Variants in ISG20 observed in about 807,000 individuals in gnomAD.
ISG20 encodes interferon-stimulated gene 20 kDa protein.
In ISG20, 8 loss-of-function variants were observed where a neutral mutation model predicts 11.1. The ratio of observed to expected loss-of-function variants is 0.72; its 90% CI spans 0.42 to 1.30. The LOEUF is 1.30. ISG20 is among the 50% of genes most tolerant of loss of function. The pLI is 0.01. For missense variants in ISG20, 243 were observed against 250.2 expected (o/e 0.97, Z 0.19); for synonymous variants, 110 against 101.7 (o/e 1.08, Z -0.49).
At position 88,639,124 on chromosome 15, in the gene ISG20, C is replaced by A. The variant is rs758296604; in HGVS notation, c.-25+48C>A. ...CAGCTGGGGAGGCAGCGGGAGGGGC[C>A]TTCCCGGTCCCCAGGCTGCGGGGCA... On this transcript the variant is annotated intron_variant, in intron 1 of 3. Transcript: ENST00000306072. This position sits in a 1 kb window ranked among gnomAD's most constrained non-coding sequence, Gnocchi z 4.2. The A allele has an allele frequency of 1.4e-5, 8 of 565,442 alleles. No individual in the cohort carries two copies. The highest frequency in any genetic ancestry group is 7.5e-5 in the African/African-American group (4 of 53,236). The allele number at this position is 565,442 out of a possible 1,614,324, so 35.0% of individuals were successfully genotyped here.
chr15:88,651,787 T>G, intron 2 of ISG20: 1 of 1,111,658 alleles, frequency 9.0e-7, no homozygotes, highest in Non-Finnish European at 1.1e-6. Context: ...GTTGGGAAGA[T>G]TAAACAACAT....
Position 88,650,414 on chromosome 15 carries a change from T to A in ISG20, c.229-1696T>A. On this transcript the variant is annotated intron_variant, in intron 2 of 3. Transcript: ENST00000306072. The surrounding 1 kb of genome is among the most constrained non-coding windows in gnomAD (Gnocchi z 4.0). Reference sequence around the variant, plus strand: ...GTGGTCGTTCACTCTTCTGGCTCAGTGTGGCAGTGGCAGGCGGGCTCTGGA... The same window carrying A: ...GTGGTCGTTCACTCTTCTGGCTCAGAGTGGCAGTGGCAGGCGGGCTCTGGA... The A allele has an allele frequency of 1.3e-6, 2 of 1,507,514 alleles. No individual in the cohort carries two copies. Among genetic ancestry groups the A allele is most frequent in the Non-Finnish European group, 1.8e-6 (2 of 1,131,610 alleles). 93.4% of individuals were successfully genotyped at this position (1,507,514 alleles called of 1,614,324 possible).
At chr15:88,653,933 G>A (rs1165583979) in intron 3 of ISG20, among the ~76,000 whole-genome samples, 2 of 152,226 alleles carry the variant, frequency 1.3e-5, no homozygotes, top group East Asian at 3.8e-4. Flanking sequence ...ATGAAGCCCT[G>A]TGGAGGGTGC....
chr15:88,650,575 C>A lies in ISG20; in HGVS notation c.229-1535C>A. On this transcript the variant is annotated intron_variant, in intron 2 of 3. Coordinates refer to ENST00000306072, the MANE Select transcript of ISG20 (RefSeq NM_002201.6). The surrounding 1 kb of genome is among the most constrained non-coding windows in gnomAD (Gnocchi z 4.0). Reference sequence around the variant, plus strand: ...GTCAATACTTATTTCGCTCGGCCACCTGCAGTTTGGGCAGGTGCTCTGCAG... The same window carrying A: ...GTCAATACTTATTTCGCTCGGCCACATGCAGTTTGGGCAGGTGCTCTGCAG... 1.2e-6 allele frequency: 1 copy of A among 815,746 alleles called. No individual in the cohort carries two copies. Among genetic ancestry groups the A allele is most frequent in the Non-Finnish European group, 1.7e-6 (1 of 581,670 alleles). The allele number at this position is 815,746 out of a possible 1,614,324, so 50.5% of individuals were successfully genotyped here. A position where few individuals can be genotyped will look rare whatever the true frequency, so the allele number is the denominator to read the frequency against.
chr15:88,641,058 T>C (rs2058073056), intron 2 of ISG20, among the ~76,000 whole-genome samples: 1 of 152,096 alleles, frequency 6.6e-6, no homozygotes, highest in African/African-American at 2.4e-5. Context: ...AGTGACATGA[T>C]CTTGGCTCTC....
intron 3 of ISG20, 101 bp from the exon 4 acceptor site, chr15:88,655,314 C>G (rs773869080): frequency 2.8e-6 from 3 of 1,066,168 alleles, no homozygotes; most frequent in Non-Finnish European, 4.3e-6. Flanking sequence ...ACTGACCCAC[C>G]TGGGGACTCT....
At position 88,643,991 on chromosome 15, in the gene ISG20, T is replaced by C. The variant is rs2058125557; in HGVS notation, c.228+4397T>C. On this transcript the variant is annotated intron_variant, in intron 2 of 3. Transcript: ENST00000306072. The surrounding 1 kb of genome is among the most constrained non-coding windows in gnomAD (Gnocchi z 4.4). ...TCTGGAGCATTTGTATTTGGGATGC[T>C]GTACCTGTATCAACAGTACAGTGTG... 6.6e-6 allele frequency among the ~76,000 whole-genome samples: 1 copy of C among 152,230 alleles called. No individual in the cohort carries two copies. The highest frequency in any genetic ancestry group is 6.5e-5 in the Admixed American group (1 of 15,282).
rs995916337 is a variant in ISG20, at chr15:88,655,551, C to T, written c.*20C>T. 16 of 1,593,640 alleles carry T rather than the reference C, an allele frequency of 1.0e-5. No homozygotes were observed. The highest frequency in any genetic ancestry group is 5.4e-5 in the African/African-American group (4 of 74,506). On this transcript the variant is annotated 3_prime_UTR_variant, in exon 4 of 4. Coordinates refer to ENST00000306072, the MANE Select transcript of ISG20 (RefSeq NM_002201.6). ...GACTGAAGCCCCATCCAGCCCGTTCCGCAGGGACTAGAGGCTTTCGGCTTT... is the reference window on the plus strand; with the variant it reads ...GACTGAAGCCCCATCCAGCCCGTTCTGCAGGGACTAGAGGCTTTCGGCTTT...
chr15:88,651,792 C>A, intron 2 of ISG20: 1 of 1,125,188 alleles, frequency 8.9e-7, no homozygotes. Flanking sequence ...GAAGATTAAA[C>A]AACATAATAT....
chr15:88,636,585 G>T (rs538300362), upstream of ISG20, among the ~76,000 whole-genome samples: 1 of 152,340 alleles, frequency 6.6e-6, no homozygotes, highest in Non-Finnish European at 1.5e-5. Context: ...GTCTCCCTAT[G>T]CTGTCCAGGC....
upstream of ISG20, among the ~76,000 whole-genome samples, chr15:88,638,124 G>A (rs916481247): frequency 2.6e-5 from 4 of 152,198 alleles, no homozygotes; most frequent in Non-Finnish European, 5.9e-5. Context: ...CATGACACTG[G>A]GAGGCAGTCA....
rs527240111 is a variant in ISG20 at position 88,640,570 on chromosome 15, A to G, written c.228+976A>G. On this transcript the variant is annotated intron_variant, in intron 2 of 3. Transcript: ENST00000306072. ...CAAGTTACTCAACCTCTTTGTACCC[A>G]GTAAAAGAAAAGAAGGATAATAGTA... 4.6e-5 allele frequency among the ~76,000 whole-genome samples: 7 copies of G among 152,342 alleles called. No individual in the cohort carries two copies. In the Middle Eastern group the frequency reaches 0.017, roughly 370 times the overall value.
chr15:88,656,088 A>G lies in ISG20; in HGVS notation c.*557A>G, dbSNP rs906217004. 1 of 152,360 alleles carries G rather than the reference A, an allele frequency of 6.6e-6. No homozygotes were observed. The highest frequency in any genetic ancestry group is 2.4e-5 in the African/African-American group (1 of 41,440). 9.4% of individuals were successfully genotyped at this position (152,360 alleles called of 1,614,324 possible). A position where few individuals can be genotyped will look rare whatever the true frequency, so the allele number is the denominator to read the frequency against. ...GTGGAGTCAGAGAGAAGTAGGTTGG[A>G]ATCCTCTTTGTCATTTAGTAGCTGT... On this transcript the variant is annotated 3_prime_UTR_variant, in exon 4 of 4. Transcript: ENST00000306072.
chr15:88,639,171 C>T lies in ISG20; in HGVS notation c.-25+95C>T, dbSNP rs150475129. 15 of 597,110 alleles carry T rather than the reference C, an allele frequency of 2.5e-5. No individual in the cohort carries two copies. The highest frequency in any genetic ancestry group is 9.3e-5 in the African/African-American group (5 of 53,842). 37.0% of individuals were successfully genotyped at this position (597,110 alleles called of 1,614,324 possible). ...GGCAGGCCAGAGGCCCTGGGACACA[C>T]GGGCAGGGTAAGGCAGGGGATGGGG... On this transcript the variant is annotated intron_variant, in intron 1 of 3. Transcript: ENST00000306072. This position sits in a 1 kb window ranked among gnomAD's most constrained non-coding sequence, Gnocchi z 4.2.
chr15:88,650,244 C>G lies in ISG20; in HGVS notation c.229-1866C>G. ...TCTGTTCTATTTTCAGGTCCCCTTC[C>G]CATCCTCTCCAACGGCAGCTGAGTG... On this transcript the variant is annotated intron_variant, in intron 2 of 3. Coordinates refer to ENST00000306072, the MANE Select transcript of ISG20 (RefSeq NM_002201.6). This position sits in a 1 kb window ranked among gnomAD's most constrained non-coding sequence, Gnocchi z 4.0. 6.5e-7 allele frequency: 1 copy of G among 1,535,702 alleles called. No individual in the cohort carries two copies. Among genetic ancestry groups the G allele is most frequent in the Non-Finnish European group, 8.7e-7 (1 of 1,146,884 alleles).
chr15:88,652,086 GT>G (rs2058282510), intron 2 of ISG20, 23 bp from the exon 3 acceptor site: 1 of 1,613,742 alleles, frequency 6.2e-7, no homozygotes. Flanking sequence ...TCATGTAGGG[GT>G]GGGCACATGT....
chr15:88,636,866 C>A (rs531056788), upstream of ISG20, among the ~76,000 whole-genome samples: 1 of 152,294 alleles, frequency 6.6e-6, no homozygotes, highest in South Asian at 2.1e-4. Context: ...GGGACAGCTT[C>A]ATGGAAAGAC....
At chr15:88,637,185 G>A (rs1017242920), upstream of ISG20, among the ~76,000 whole-genome samples, 1 of 152,198 alleles carries the variant, frequency 6.6e-6, no homozygotes, top group Non-Finnish European at 1.5e-5. Flanking sequence ...TGGTTTGGCA[G>A]AAGTCACCAT....
Position 88,639,441 on chromosome 15 carries a change from G to A in ISG20, c.75G>A (p.Leu25=). The stretch of plus-strand genomic sequence containing the variant: ...TGGGGCCCCACCGGGAGAGTGGCCT[G>A]GCTCGTTGCAGCCTCGTGAACGTCC... ...VGLGPHRESG[L]ARCSLVNVHG... Residue 25 remains leucine (L), a synonymous_variant, in exon 2 of 4, where the codon CTG becomes CTA. Transcript: ENST00000306072. The surrounding 1 kb of genome is among the most constrained non-coding windows in gnomAD (Gnocchi z 4.2). The A allele has an allele frequency of 6.2e-7, 1 of 1,614,144 alleles. No homozygotes were observed. Among genetic ancestry groups the A allele is most frequent in the Non-Finnish European group, 8.5e-7 (1 of 1,180,014 alleles).
Sources: gnomAD v4.1 joint callset for allele counts (sites outside exome capture counted in the v4.1 genomes callset) on GRCh38, gnomAD v4.1.1 for gene constraint, Gnocchi (gnomAD v3.1) non-coding constraint, MANE v1.5 for transcripts, NCBI Gene and HGNC (gene_info 2026-07-23, HGNC 2026-07-21) for gene names.